CSGALNACT1: variants seen among roughly 807,000 people sequenced by gnomAD.
CSGALNACT1 encodes chondroitin sulfate N-acetylgalactosaminyltransferase 1.
A neutral mutation model predicts 51.0 loss-of-function variants in CSGALNACT1; 52 were observed. The ratio of observed to expected loss-of-function variants is 1.02; its 90% CI spans 0.82 to 1.29. CSGALNACT1 has a LOEUF of 1.29. Among genes scored for constraint, CSGALNACT1 ranks in the 50% most tolerant of loss-of-function variants. The probability of loss-of-function intolerance (pLI) is 0.00; values close to 1 mark genes in which losing one functional copy is unlikely to be tolerated. For missense variants in CSGALNACT1, 935 were observed against 679.2 expected, an observed-to-expected ratio of 1.38 and a Z score of -4.19; for synonymous variants, 341 against 254.4, an observed-to-expected ratio of 1.34 and a Z score of -3.24.
chr8:19,737,427 G>A (rs1029147893), intron 1 of CSGALNACT1, among the ~76,000 whole-genome samples: 5 of 152,078 alleles, frequency 3.3e-5, no homozygotes, highest in Non-Finnish European at 7.4e-5. Flanking sequence ...AAACAGGTGG[G>A]GATCACAGTT....
At chr8:19,570,478 T>C (rs892352952) in intron 3 of CSGALNACT1, among the ~76,000 whole-genome samples, 1 of 152,012 alleles carries the variant, frequency 6.6e-6, no homozygotes, top group Non-Finnish European at 1.5e-5. Flanking sequence ...CATAACCTAA[T>C]CCGGACACAA....
At chr8:19,432,084 G>A (rs775428406) in intron 6 of CSGALNACT1, among the ~76,000 whole-genome samples, 3 of 152,082 alleles carry the variant, frequency 2.0e-5, no homozygotes, top group Non-Finnish European at 4.4e-5. Context: ...GTCTTCATGT[G>A]GATTTGTCTA....
chr8:19,736,429 T>G lies in CSGALNACT1; in HGVS notation c.-297+21421A>C, dbSNP rs554997791. The stretch of plus-strand genomic sequence containing the variant: ...TCTCACACACTGCTGACTATGTCTT[T>G]TCCTGAATTTCTAATGTCTAAATAT... On this transcript the variant is annotated intron_variant, in intron 1 of 1. Transcript: ENST00000517494. Among the ~76,000 whole-genome samples the G allele has an allele frequency of 7.9e-4, 121 of 152,214 alleles. 1 individual carries two copies. Among genetic ancestry groups the G allele is most frequent in the Non-Finnish European group, 2.5e-4 (17 of 67,986 alleles).
intron 1 of CSGALNACT1, among the ~76,000 whole-genome samples, chr8:19,698,057 G>A (rs896130468): frequency 7.2e-6 from 1 of 138,752 alleles, no homozygotes; most frequent in Non-Finnish European, 1.6e-5. Context: ...TTATTCATGG[G>A]AGCTCCACTG....
intron 3 of CSGALNACT1, among the ~76,000 whole-genome samples, chr8:19,512,702 A>C (rs1587600718): frequency 6.6e-6 from 1 of 152,242 alleles, no homozygotes; most frequent in African/African-American, 2.4e-5. Context: ...AACCTGCAAG[A>C]TATAGAAATC....
At chr8:19,447,850 G>A (rs1331909777) in intron 5 of CSGALNACT1, among the ~76,000 whole-genome samples, 1 of 152,202 alleles carries the variant, frequency 6.6e-6, no homozygotes, top group Non-Finnish European at 1.5e-5. Flanking sequence ...GAGAGACAAA[G>A]CTACAAAAAA....
intron 1 of CSGALNACT1, among the ~76,000 whole-genome samples, chr8:19,625,300 G>T (rs1047917964): frequency 1.1e-4 from 17 of 152,226 alleles, no homozygotes; most frequent in African/African-American, 3.9e-4. Context: ...ACTGATTTGG[G>T]GTACCAAGTT....
At chr8:19,635,844 C>T (rs1379088064) in intron 1 of CSGALNACT1, among the ~76,000 whole-genome samples, 1 of 152,152 alleles carries the variant, frequency 6.6e-6, no homozygotes, top group African/African-American at 2.4e-5. Context: ...TCTCCTGCCT[C>T]GGCCTCCTGA....
intron 3 of CSGALNACT1, among the ~76,000 whole-genome samples, chr8:19,551,606 C>T (rs2088114415): frequency 2.0e-5 from 3 of 152,172 alleles, no homozygotes. Context: ...GTCTGGTTTG[C>T]TTACAGTTCC....
At chr8:19,543,393 G>A (rs1416751564) in intron 3 of CSGALNACT1, among the ~76,000 whole-genome samples, 3 of 152,138 alleles carry the variant, frequency 2.0e-5, no homozygotes, top group African/African-American at 7.2e-5. Flanking sequence ...CTGGGAACGG[G>A]GCTTGTAAAA....
intron 3 of CSGALNACT1, among the ~76,000 whole-genome samples, chr8:19,584,811 T>C (rs1203981089): frequency 6.6e-6 from 1 of 152,152 alleles, no homozygotes; most frequent in Non-Finnish European, 1.5e-5. Context: ...CTCTTTATGA[T>C]TTTTCTCCTA....
At chr8:19,427,636 A>C (rs2058980471) in intron 6 of CSGALNACT1, among the ~76,000 whole-genome samples, 1 of 152,038 alleles carries the variant, frequency 6.6e-6, no homozygotes, top group South Asian at 2.1e-4. Context: ...AAAATCCAAA[A>C]AATTAGCCAG....
rs112979483 is a variant in CSGALNACT1 at position 19,420,664 on chromosome 8, C to T, written c.954-146G>A. On this transcript the variant is annotated intron_variant, in intron 6 of 9. Transcript: ENST00000454498. The stretch of plus-strand genomic sequence containing the variant: ...TGGGACTCCCCAAGAAGTTACAGAA[C>T]GGCCCAGACTCACAGGATACTCACT... The T allele has an allele frequency of 1.3e-3, 1,104 of 829,836 alleles. 5 individuals are homozygous for T. In the African/African-American group the frequency reaches 0.015, roughly 11 times the overall value. The allele number at this position is 829,836 out of a possible 1,614,324, so 51.4% of individuals were successfully genotyped here.
intron 1 of CSGALNACT1, among the ~76,000 whole-genome samples, chr8:19,621,079 A>C (rs2053765460): frequency 6.6e-6 from 1 of 152,240 alleles, no homozygotes. Flanking sequence ...CTTTATCAGG[A>C]AAACCATAAT....
At chr8:19,555,635 T>C (rs2089527017) in intron 3 of CSGALNACT1, among the ~76,000 whole-genome samples, 1 of 152,190 alleles carries the variant, frequency 6.6e-6, no homozygotes, top group African/African-American at 2.4e-5. Context: ...CACATCTCTG[T>C]GGTTACAATG....
At chr8:19,679,069 A>T (rs970504929) in intron 1 of CSGALNACT1, among the ~76,000 whole-genome samples, 3 of 152,210 alleles carry the variant, frequency 2.0e-5, no homozygotes, top group African/African-American at 7.2e-5. Flanking sequence ...GTGTAGAAAA[A>T]TTTCATAAAG....
At chr8:19,671,587 A>C (rs2059798334) in intron 1 of CSGALNACT1, among the ~76,000 whole-genome samples, 2 of 152,224 alleles carry the variant, frequency 1.3e-5, no homozygotes, top group African/African-American at 4.8e-5. Context: ...TGAGAAAAAC[A>C]GACAAACTTC....
intron 1 of CSGALNACT1, among the ~76,000 whole-genome samples, chr8:19,654,204 CT>C (rs1252376632): frequency 6.6e-6 from 1 of 152,186 alleles, no homozygotes; most frequent in Non-Finnish European, 1.5e-5. Flanking sequence ...CATTTTCCAG[CT>C]GTTTCTCCAA....
chr8:19,554,431 G>A (rs1206874954), intron 3 of CSGALNACT1, among the ~76,000 whole-genome samples: 1 of 144,060 alleles, frequency 6.9e-6, no homozygotes, highest in Non-Finnish European at 1.5e-5. Context: ...CACCTTCTAA[G>A]TCAGGGACCA....
Sources: gnomAD v4.1 joint callset for allele counts (sites outside exome capture counted in the v4.1 genomes callset) on GRCh38, gnomAD v4.1.1 for gene constraint, MANE v1.5 for transcripts, NCBI Gene and HGNC (gene_info 2026-07-23, HGNC 2026-07-21) for gene names.